Variants in FOXK1 observed in about 807,000 individuals in gnomAD.
FOXK1 encodes forkhead box protein K1.
FOXK1 carries 19 observed loss-of-function variants against 51.9 expected under a neutral mutation model. That is an observed-to-expected ratio of 0.37 (90% CI 0.26 to 0.54). The LOEUF (loss-of-function observed/expected upper bound fraction) is 0.54, where lower values mean the gene tolerates loss of function less well. FOXK1 is among the 20% of genes least tolerant of loss of function. The pLI is 0.87. For synonymous variants in FOXK1, 537 were observed against 482.6 expected, an observed-to-expected ratio of 1.11 and a Z score of -1.48; for missense variants, 870 against 1,032.7, an observed-to-expected ratio of 0.84 and a Z score of 2.16.
At chr7:4,746,515 TA>T (rs955922276) in intron 2 of FOXK1, among the ~76,000 whole-genome samples, 30 of 149,158 alleles carry the variant, frequency 2.0e-4, no homozygotes, top group South Asian at 8.5e-4. Flanking sequence ...CCCCCATCTC[TA>T]AAAAAAAAAA....
At position 4,749,052 on chromosome 7, in the gene FOXK1, C is replaced by G. The variant is rs538525828; in HGVS notation, c.747-5407C>G. Among the ~76,000 whole-genome samples the G allele has an allele frequency of 1.9e-4, 29 of 152,296 alleles. No individual in the cohort carries two copies. Among genetic ancestry groups the G allele is most frequent in the African/African-American group, 6.7e-4 (28 of 41,570 alleles). ...TCTGAGCTGAGTCTCTCATGCCTCT[C>G]CTTTCCTTTCTCTCTCTACTTTCTG... On this transcript the variant is annotated intron_variant, in intron 2 of 8. Transcript: ENST00000328914. The surrounding 1 kb of genome is among the most constrained non-coding windows in gnomAD (Gnocchi z 6.0).
In FOXK1 at chr7:4,761,142, T is replaced by G. The variant is rs1341403542; in HGVS notation, c.1775T>G (p.Met592Arg). Reference protein sequence around the residue: ...GGVIQTVASQMAPGVPGHTVT... With the variant: ...GGVIQTVASQRAPGVPGHTVT... ...GTCATCCAGACGGTGGCCAGCCAGA[T>G]GGCCCCCGGGGTCCCCGGACACACG... is the stretch of plus-strand genomic sequence containing the variant. Residue 592 changes from methionine to arginine, a missense_variant, in exon 8 of 9, where the codon ATG becomes AGG. Physicochemically the swap from Met to Arg is moderately conservative, Grantham distance 91. Around this residue, in one of 3 missense-constraint regions of FOXK1, gnomAD observed 457 missense variants for 510.8 expected, o/e 0.89. Transcript: ENST00000328914. The surrounding 1 kb of genome is among the most constrained non-coding windows in gnomAD (Gnocchi z 6.2). 2 of 1,612,850 alleles carry G rather than the reference T, an allele frequency of 1.2e-6. No individual in the cohort carries two copies. The highest frequency in any genetic ancestry group is 1.7e-6 in the Non-Finnish European group (2 of 1,180,014).
rs940659256 is a variant in FOXK1, at chr7:4,762,535, G to A, written c.*71G>A. ...CGAAGCTGGACCCGGCAGCTCAGGC[G>A]GCCGCACCCACAGACGGAGGAGAAC... On this transcript the variant is annotated 3_prime_UTR_variant, in exon 9 of 9. Transcript: ENST00000328914. This position sits in a 1 kb window ranked among gnomAD's most constrained non-coding sequence, Gnocchi z 5.7. 34 of 1,447,278 alleles carry A rather than the reference G, an allele frequency of 2.3e-5. No homozygotes were observed. Among genetic ancestry groups the A allele is most frequent in the Middle Eastern group, 2.5e-4 (1 of 4,038 alleles). 89.7% of individuals were successfully genotyped at this position (1,447,278 alleles called of 1,614,324 possible).
In FOXK1 at chr7:4,762,180, C is replaced by G; in HGVS notation, c.1922-4C>G. ...AGAGTAACCCTCTTCTTCCTCCACT[C>G]CAGCCCTCACCAGCCCTTTGCAGCT... On this transcript the variant is annotated splice_region_variant and splice_polypyrimidine_tract_variant and intron_variant, in intron 8 of 8. Transcript: ENST00000328914. This position sits in a 1 kb window ranked among gnomAD's most constrained non-coding sequence, Gnocchi z 5.7. 1 of 1,547,572 alleles carries G rather than the reference C, an allele frequency of 6.5e-7. No individual in the cohort carries two copies. Among genetic ancestry groups the G allele is most frequent in the Non-Finnish European group, 8.7e-7 (1 of 1,143,120 alleles).
In FOXK1 at chr7:4,683,009, C is replaced by G. The variant is rs1240618225; in HGVS notation, c.560+141C>G. 15 of 860,536 alleles carry G rather than the reference C, an allele frequency of 1.7e-5. No individual in the cohort carries two copies. The highest frequency in any genetic ancestry group is 2.3e-5 in the Non-Finnish European group (14 of 599,564). 53.3% of individuals were successfully genotyped at this position (860,536 alleles called of 1,614,324 possible). On this transcript the variant is annotated intron_variant, in intron 1 of 8. Coordinates refer to ENST00000328914, the MANE Select transcript of FOXK1 (RefSeq NM_001037165.2). The surrounding 1 kb of genome is among the most constrained non-coding windows in gnomAD (Gnocchi z 4.5). ...CGGCCCACCCCCGGTAACCCCCGAC[C>G]GGCCTGGACTCCGGGGTCAACCCCG...
intron 1 of FOXK1, among the ~76,000 whole-genome samples, chr7:4,724,993 T>TG (rs962251627): frequency 6.6e-6 from 1 of 152,136 alleles, no homozygotes; most frequent in African/African-American, 2.4e-5. Flanking sequence ...GAAGTGGGTT[T>TG]GGGGGGAGCC....
Position 4,682,846 on chromosome 7 carries a change from C to A in FOXK1, c.538C>A (p.Pro180Thr). 6.4e-7 allele frequency: 1 copy of A among 1,559,796 alleles called. No homozygotes were observed. Among genetic ancestry groups the A allele is most frequent in the East Asian group, 2.4e-5 (1 of 42,412 alleles). Residue 180 changes from proline (P) to threonine (T), a missense_variant, in exon 1 of 9, where the codon CCC becomes ACC. This residue lies in a region of FOXK1 where 399 missense variants were observed against 475.6 expected (regional missense o/e 0.84). Transcript: ENST00000328914. The surrounding 1 kb of genome is among the most constrained non-coding windows in gnomAD (Gnocchi z 7.6). The part of the protein sequence containing the change: ...VDGAFQRRGA[P>T]ALQLPKQCTF... ...CGGGGCCTTCCAGAGACGCGGCGCG[C>A]CCGCCCTGCAGCTGCCCAAGCAGTG...
chr7:4,758,132 G>A lies in FOXK1; in HGVS notation c.1245-919G>A, dbSNP rs1242850646. 6.6e-6 allele frequency: 1 copy of A among 152,302 alleles called. No individual in the cohort carries two copies. The highest frequency in any genetic ancestry group is 1.9e-4 in the East Asian group (1 of 5,206). 9.4% of individuals were successfully genotyped at this position (152,302 alleles called of 1,614,324 possible). ...GTTGCAGTGTGTGAGAGGACCCGGG[G>A]AGAGCCCAATCTTCGAAGGGACAGA... On this transcript the variant is annotated intron_variant, in intron 5 of 8. Coordinates refer to ENST00000328914, the MANE Select transcript of FOXK1 (RefSeq NM_001037165.2). The surrounding 1 kb of genome is among the most constrained non-coding windows in gnomAD (Gnocchi z 4.4).
chr7:4,692,979 T>A (rs1448575605), intron 1 of FOXK1, among the ~76,000 whole-genome samples: 4 of 151,872 alleles, frequency 2.6e-5, no homozygotes, highest in Admixed American at 6.6e-5. Context: ...CCTTAAGTCA[T>A]CCTCTGCTAT....
At chr7:4,759,788 TGGGA>T in intron 7 of FOXK1, 193 bp downstream of exon 7, 1 of 708,714 alleles carries the variant, frequency 1.4e-6, no homozygotes, top group Non-Finnish European at 2.3e-6. Flanking sequence ...CCCAGTGCTT[TGGGA>T]GGCCAAAGCG....
In FOXK1 at chr7:4,761,368, C is replaced by T. The variant is rs1780930741; in HGVS notation, c.1921+80C>T. On this transcript the variant is annotated intron_variant, in intron 8 of 8. Transcript: ENST00000328914. This position sits in a 1 kb window ranked among gnomAD's most constrained non-coding sequence, Gnocchi z 6.2. The stretch of plus-strand genomic sequence containing the variant: ...AGTCAGTGCGGCATGAGAATGTTCT[C>T]CCAGTATCTCCCGATCCTCCACTCA... 7.6e-7 allele frequency: 1 copy of T among 1,309,908 alleles called. No individual in the cohort carries two copies. The highest frequency in any genetic ancestry group is 1.1e-6 in the Non-Finnish European group (1 of 942,740). 81.1% of individuals were successfully genotyped at this position (1,309,908 alleles called of 1,614,324 possible). A position where few individuals can be genotyped will look rare whatever the true frequency, so the allele number is the denominator to read the frequency against.
chr7:4,723,149 C>G lies in FOXK1; in HGVS notation c.561-17689C>G, dbSNP rs1189335885. 6.6e-6 allele frequency among the ~76,000 whole-genome samples: 1 copy of G among 151,892 alleles called. No individual in the cohort carries two copies. Among genetic ancestry groups the G allele is most frequent in the Non-Finnish European group, 1.5e-5 (1 of 68,002 alleles). ...ACGCCGTGGCTGTGAGCGGAGCCAG[C>G]TTCAAAGCACTGGGTCCAGGGCGCC... On this transcript the variant is annotated intron_variant, in intron 1 of 8. Transcript: ENST00000328914. The surrounding 1 kb of genome is among the most constrained non-coding windows in gnomAD (Gnocchi z 4.7).
At chr7:4,714,053 T>C (rs1403728767) in intron 1 of FOXK1, among the ~76,000 whole-genome samples, 1 of 152,192 alleles carries the variant, frequency 6.6e-6, no homozygotes, top group Non-Finnish European at 1.5e-5. Context: ...CTTGAACTCC[T>C]GACCTCGGGT....
In FOXK1 at chr7:4,756,075, C is replaced by T. The variant is rs1457005023; in HGVS notation, c.1050+692C>T. On this transcript the variant is annotated intron_variant, in intron 4 of 8. Transcript: ENST00000328914. This position sits in a 1 kb window ranked among gnomAD's most constrained non-coding sequence, Gnocchi z 4.1. Reference sequence around the variant, plus strand: ...CATGTTGCATTTGCCTGTATTTTCTCCAATGTCAGTGTAGCGCATCCACTA... The same window carrying T: ...CATGTTGCATTTGCCTGTATTTTCTTCAATGTCAGTGTAGCGCATCCACTA... Among the ~76,000 whole-genome samples the T allele has an allele frequency of 6.6e-6, 1 of 152,200 alleles. No individual in the cohort carries two copies. Among genetic ancestry groups the T allele is most frequent in the East Asian group, 1.9e-4 (1 of 5,184 alleles).
intron 1 of FOXK1, among the ~76,000 whole-genome samples, chr7:4,701,565 G>A (rs148505629): frequency 9.5e-4 from 144 of 152,270 alleles, no homozygotes; most frequent in African/African-American, 3.0e-3. Flanking sequence ...GGACCAGTCT[G>A]GGCGACATAG....
At chr7:4,751,172 G>A (rs1424239247) in intron 2 of FOXK1, among the ~76,000 whole-genome samples, 1 of 151,332 alleles carries the variant, frequency 6.6e-6, no homozygotes, top group Non-Finnish European at 1.5e-5. Flanking sequence ...CTGCCACCAT[G>A]CCCGGCTAAT....
rs377622484 is a variant in FOXK1 at position 4,729,772 on chromosome 7, C to T, written c.561-11066C>T. Among the ~76,000 whole-genome samples the T allele has an allele frequency of 1.9e-4, 29 of 152,246 alleles. No homozygotes were observed. Among genetic ancestry groups the T allele is most frequent in the African/African-American group, 6.7e-4 (28 of 41,558 alleles). Reference sequence around the variant, plus strand: ...TGGGAGGCCAAGGCAGGTGGATCACCTGAGCTCAGGAGTTTGAGACCAGCC... The same window carrying T: ...TGGGAGGCCAAGGCAGGTGGATCACTTGAGCTCAGGAGTTTGAGACCAGCC... On this transcript the variant is annotated intron_variant, in intron 1 of 8. Transcript: ENST00000328914. This position sits in a 1 kb window ranked among gnomAD's most constrained non-coding sequence, Gnocchi z 6.2.
At position 4,740,429 on chromosome 7, in the gene FOXK1, CA is replaced by C. The variant is rs1240501310; in HGVS notation, c.561-397del. On this transcript the variant is annotated intron_variant, in intron 1 of 8. Coordinates refer to ENST00000328914, the MANE Select transcript of FOXK1 (RefSeq NM_001037165.2). The stretch of plus-strand genomic sequence containing the variant: ...TGGGCGACAGAGTGAGACTCCCTCT[CA>C]AAAAAAAAAAATAAATAAAAAATGC... Among the ~76,000 whole-genome samples the C allele has an allele frequency of 4.9e-3, 627 of 126,698 alleles. 3 individuals are homozygous for C. The highest frequency in any genetic ancestry group is 0.014 in the African/African-American group (474 of 34,378). The allele number at this position is 126,698 out of a possible 152,430, so 83.1% of individuals were successfully genotyped here. A position where few individuals can be genotyped will look rare whatever the true frequency, so the allele number is the denominator to read the frequency against.
chr7:4,745,675 A>T lies in FOXK1; in HGVS notation c.746+4652A>T, dbSNP rs1002175015. 6.6e-6 allele frequency among the ~76,000 whole-genome samples: 1 copy of T among 152,132 alleles called. No individual in the cohort carries two copies. The highest frequency in any genetic ancestry group is 1.5e-5 in the Non-Finnish European group (1 of 68,014). Reference sequence around the variant, plus strand: ...TCCCAGCACTTTGGGAGGCTGAGGCAGGCGGATCACCTGAGGTCAGGAGTT... The same window carrying T: ...TCCCAGCACTTTGGGAGGCTGAGGCTGGCGGATCACCTGAGGTCAGGAGTT... On this transcript the variant is annotated intron_variant, in intron 2 of 8. Coordinates refer to ENST00000328914, the MANE Select transcript of FOXK1 (RefSeq NM_001037165.2). This position sits in a 1 kb window ranked among gnomAD's most constrained non-coding sequence, Gnocchi z 4.3.
Sources: gnomAD v4.1 joint callset for allele counts (sites outside exome capture counted in the v4.1 genomes callset) on GRCh38, gnomAD v4.1.1 for gene constraint, gnomAD v4.1.1 regional missense constraint, Gnocchi (gnomAD v3.1) non-coding constraint, MANE v1.5 for transcripts, NCBI Gene and HGNC (gene_info 2026-07-23, HGNC 2026-07-21) for gene names.